The following RYR2 variants were observed in gnomAD, a reference collection of about 807,000 sequenced individuals.
The protein encoded by RYR2 is cardiac muscle ryanodine receptor-calcium release channel.
RYR2 carries 227 observed loss-of-function variants against 601.1 expected under a neutral mutation model. The observed-to-expected ratio is 0.38, with a 90% CI of 0.34 to 0.42. The LOEUF (loss-of-function observed/expected upper bound fraction) is 0.42. RYR2 is among the 10% of genes least tolerant of loss of function. The pLI, the probability that RYR2 is intolerant of heterozygous loss-of-function variation, is 1.00. For missense variants in RYR2, 4,646 were observed against 6,156.5 expected (o/e 0.75, Z 8.21); for synonymous variants, 2,223 against 2,175.1 (o/e 1.02, Z -0.61).
Position 237,593,486 on chromosome 1 carries a change from C to T in RYR2, c.4286C>T (p.Ser1429Leu), listed in dbSNP as rs1675464523. Residue 1429 changes from serine (S) to leucine (L), a missense_variant, in exon 33 of 105, where the codon TCA (serine) becomes TTA (leucine). Physicochemically the swap from Ser to Leu is moderately radical, Grantham distance 145. This residue lies in a region of RYR2 where 1,807 missense variants were observed against 2,088.1 expected (regional missense o/e 0.87). Coordinates refer to ENST00000366574, the MANE Select transcript of RYR2 (RefSeq NM_001035.3). ...FLMQTSTYYY[S>L]VRIFPGQEPA... is the part of the protein sequence containing the mutation. ...CTGCTATCTTCACAGTACTATTACTCAGTGAGAATCTTTCCTGGACAAGAA... is the reference window on the plus strand; with the variant it reads ...CTGCTATCTTCACAGTACTATTACTTAGTGAGAATCTTTCCTGGACAAGAA... The T allele has an allele frequency of 6.2e-7, 1 of 1,612,640 alleles. No individual in the cohort carries two copies. The highest frequency in any genetic ancestry group is 8.5e-7 in the Non-Finnish European group (1 of 1,179,430).
At position 237,566,619 on chromosome 1, in the gene RYR2, T is replaced by C. The variant is rs761738779; in HGVS notation, c.3267T>C (p.Arg1089=). 22 of 1,614,012 alleles carry C rather than the reference T, an allele frequency of 1.4e-5. No individual in the cohort carries two copies. Among genetic ancestry groups the C allele is most frequent in the Non-Finnish European group, 1.9e-5 (22 of 1,179,884 alleles). The part of the protein sequence containing the change: ...SGTGERFRIF[R]AEKTYAVKAG... ...CCGGGGAAAGGTTCCGAATCTTCCG[T>C]GCCGAGAAGACCTATGCAGTGAAGG... Residue 1089 remains arginine (R), a synonymous_variant, in exon 28 of 105, where the codon CGT becomes CGC. Coordinates refer to ENST00000366574, the MANE Select transcript of RYR2 (RefSeq NM_001035.3).
At chr1:237,533,418 C>G (rs929032120) in intron 25 of RYR2, among the ~76,000 whole-genome samples, 19 of 152,114 alleles carry the variant, frequency 1.2e-4, no homozygotes, top group Non-Finnish European at 2.2e-4. Flanking sequence ...GAGATATACC[C>G]TAGAGACAGT....
chr1:237,469,200 GT>G lies in RYR2; in HGVS notation c.1708+19del. On this transcript the variant is annotated intron_variant, in intron 17 of 104. Transcript: ENST00000366574. ...GAAGCTTCTTCAGGTATGTTTTCTA[GT>G]TTTTTCCTTGTTGTGATAGATCACT... The G allele has an allele frequency of 1.7e-6, 2 of 1,209,436 alleles. No homozygotes were observed. The highest frequency in any genetic ancestry group is 2.1e-6 in the Non-Finnish European group (2 of 946,332). 74.9% of individuals were successfully genotyped at this position (1,209,436 alleles called of 1,614,324 possible).
At chr1:237,265,205 T>C (rs1322546538) in intron 1 of RYR2, among the ~76,000 whole-genome samples, 1 of 151,794 alleles carries the variant, frequency 6.6e-6, no homozygotes, top group Non-Finnish European at 1.5e-5. Context: ...GAGAAAGGGG[T>C]TTAATAGTGC....
chr1:237,564,061 C>T (rs1026285458), intron 27 of RYR2, among the ~76,000 whole-genome samples: 4 of 152,030 alleles, frequency 2.6e-5, no homozygotes, highest in African/African-American at 9.7e-5. Flanking sequence ...AGGATAACTA[C>T]CTGATCATTT....
intron 34 of RYR2, among the ~76,000 whole-genome samples, chr1:237,596,944 G>C (rs939816189): frequency 6.6e-6 from 1 of 152,188 alleles, no homozygotes; most frequent in Non-Finnish European, 1.5e-5. Context: ...GTACTCCACA[G>C]ATAAGCAAAA....
At chr1:237,574,566 A>AG (rs1673037188) in intron 29 of RYR2, among the ~76,000 whole-genome samples, 1 of 152,198 alleles carries the variant, frequency 6.6e-6, no homozygotes, top group Non-Finnish European at 1.5e-5. Flanking sequence ...ATGAGCCCTT[A>AG]GGGATTGGGT....
At chr1:237,179,658 C>G (rs1678479577) in intron 1 of RYR2, among the ~76,000 whole-genome samples, 1 of 152,104 alleles carries the variant, frequency 6.6e-6, no homozygotes, top group Admixed American at 6.5e-5. Flanking sequence ...CTCTCTGTAT[C>G]CAGAATGTAC....
chr1:237,538,580 C>T (rs2779369), intron 25 of RYR2, among the ~76,000 whole-genome samples: 105,217 of 150,988 alleles, frequency 0.7, 36,874 homozygotes, highest in Non-Finnish European at 0.75. Flanking sequence ...CAGACCAGCC[C>T]GGCCAACATG....
At chr1:237,589,700 A>C in intron 29 of RYR2, 93 bp from the exon 30 acceptor site, 3 of 1,247,856 alleles carry the variant, frequency 2.4e-6, no homozygotes, top group Non-Finnish European at 3.4e-6. Flanking sequence ...CAGCTCTCAC[A>C]AAGTTCGGTC....
rs546273600 is a variant in RYR2, at chr1:237,081,276, A to G, written c.48+38707A>G. On this transcript the variant is annotated intron_variant, in intron 1 of 104. Coordinates refer to ENST00000366574, the MANE Select transcript of RYR2 (RefSeq NM_001035.3). ...GCACATGTACCCTAAAACTTAGAGT[A>G]TAATAAAAAAAAAAAAAAAAAAAAA... 3.7e-3 allele frequency among the ~76,000 whole-genome samples: 250 copies of G among 66,754 alleles called. 1 individual carries two copies. Among genetic ancestry groups the G allele is most frequent in the African/African-American group, 9.8e-3 (240 of 24,506 alleles). 43.8% of individuals were successfully genotyped at this position (66,754 alleles called of 152,430 possible).
At chr1:237,391,972 A>C (rs1011518343) in intron 10 of RYR2, among the ~76,000 whole-genome samples, 1 of 152,090 alleles carries the variant, frequency 6.6e-6, no homozygotes. Context: ...AAGTTACTTG[A>C]GATTTTTTTC....
intron 10 of RYR2, among the ~76,000 whole-genome samples, chr1:237,392,587 A>G (rs1335164094): frequency 2.6e-5 from 4 of 152,196 alleles, no homozygotes; most frequent in African/African-American, 9.6e-5. Flanking sequence ...TTTTGTTTCT[A>G]GATTGCATCT....
intron 90 of RYR2, 34 bp downstream of exon 90, chr1:237,785,006 C>G (rs1469131873): frequency 9.8e-6 from 14 of 1,431,894 alleles, no homozygotes; most frequent in Middle Eastern, 1.9e-4. Flanking sequence ...AGCATTCTCT[C>G]TGGACTTCAG....
At position 237,533,983 on chromosome 1, in the gene RYR2, C is replaced by T. The variant is rs1039197329; in HGVS notation, c.2906+3473C>T. ...GATGACAGATGTAAATCCAGATACA[C>T]CATTAGTCATAACAAATGTACATGG... On this transcript the variant is annotated intron_variant, in intron 25 of 104. Coordinates refer to ENST00000366574, the MANE Select transcript of RYR2 (RefSeq NM_001035.3). 5.3e-5 allele frequency among the ~76,000 whole-genome samples: 8 copies of T among 151,950 alleles called. No homozygotes were observed. The South Asian group carries it at 1.0e-3, about 20-fold the overall frequency.
At chr1:237,141,015 A>T (rs61292828) in intron 1 of RYR2, among the ~76,000 whole-genome samples, 6,912 of 152,310 alleles carry the variant, frequency 0.045, 504 homozygotes, top group African/African-American at 0.16. Flanking sequence ...GTTTCATTTT[A>T]AAATTTTTCT....
intron 27 of RYR2, among the ~76,000 whole-genome samples, chr1:237,559,719 G>T (rs1671266986): frequency 6.6e-6 from 1 of 152,020 alleles, no homozygotes; most frequent in African/African-American, 2.4e-5. Context: ...TTGTCTTTTT[G>T]CATGTCTCAC....
intron 1 of RYR2, among the ~76,000 whole-genome samples, chr1:237,255,643 C>G (rs568033473): frequency 6.6e-6 from 1 of 152,120 alleles, no homozygotes; most frequent in Non-Finnish European, 1.5e-5. Flanking sequence ...TTTTTTCACA[C>G]ATTTTGAAAT....
chr1:237,423,029 T>G, intron 11 of RYR2, 63 bp from the exon 12 acceptor site: 2 of 1,541,814 alleles, frequency 1.3e-6, no homozygotes, highest in Admixed American at 2.1e-5. Context: ...GACATATGTT[T>G]TAATAGCTAC....
Sources: allele counts gnomAD v4.1 joint callset (sites outside exome capture counted in the v4.1 genomes callset), GRCh38; gene constraint gnomAD v4.1.1; regional missense constraint gnomAD v4.1.1; transcripts MANE v1.5; gene names NCBI Gene and HGNC (gene_info 2026-07-23, HGNC 2026-07-21).